The following LRP1B variants were observed in gnomAD, a reference collection of about 807,000 sequenced individuals.
LRP1B encodes the protein low-density lipoprotein receptor-related protein 1B.
Under a neutral mutation model 556.6 loss-of-function variants are expected in LRP1B, and 217 were observed. That is an observed-to-expected ratio of 0.39 (90% CI 0.35 to 0.44). LRP1B has a LOEUF of 0.44. Ranked by LOEUF, LRP1B falls within the 20% of genes least tolerant of loss-of-function variation. LRP1B has a pLI of 1.00. For missense variants in LRP1B, 5,053 were observed against 5,620.8 expected (o/e 0.90, Z 3.23); for synonymous variants, 2,047 against 1,865.8 (o/e 1.10, Z -2.50).
intron 3 of LRP1B, among the ~76,000 whole-genome samples, chr2:141,346,066 A>G (rs2105527406): frequency 6.6e-6 from 1 of 152,164 alleles, no homozygotes. Flanking sequence ...ATAGTAATAT[A>G]TAGTCTCTCT....
intron 1 of LRP1B, among the ~76,000 whole-genome samples, chr2:142,032,629 C>T (rs1356560565): frequency 6.6e-6 from 1 of 151,756 alleles, no homozygotes; most frequent in Admixed American, 6.6e-5. Context: ...CTCTCTCTGT[C>T]TCTCATTTGT....
At chr2:140,672,482 T>TAAAAAAAAAAAAAA (rs55884730) in intron 41 of LRP1B, among the ~76,000 whole-genome samples, 4 of 81,580 alleles carry the variant, frequency 4.9e-5, no homozygotes, top group African/African-American at 1.6e-4. Flanking sequence ...AGACTCCATC[T>TAAAAAAAAAAAAAA]AAAAAAAAAA....
intron 7 of LRP1B, among the ~76,000 whole-genome samples, chr2:141,160,986 A>T (rs987131782): frequency 2.6e-5 from 4 of 152,100 alleles, no homozygotes; most frequent in Non-Finnish European, 5.9e-5. Flanking sequence ...GGCTTTGTAA[A>T]ATGTTATCAT....
chr2:140,914,488 C>T (rs1427629358), intron 21 of LRP1B, among the ~76,000 whole-genome samples: 7 of 151,938 alleles, frequency 4.6e-5, no homozygotes, highest in Admixed American at 1.3e-4. Context: ...AGCAATGCAT[C>T]GGGAAAAAAT....
Position 140,598,665 on chromosome 2 carries a change from A to G in LRP1B, c.7160T>C (p.Ile2387Thr). 1 of 1,613,596 alleles carries G rather than the reference A, an allele frequency of 6.2e-7. No individual in the cohort carries two copies. The highest frequency in any genetic ancestry group is 8.5e-7 in the Non-Finnish European group (1 of 1,179,754). Residue 2387 changes from isoleucine to threonine, a missense_variant, in exon 43 of 91, where the codon ATT (isoleucine) becomes ACT (threonine). Coordinates refer to ENST00000389484, the MANE Select transcript of LRP1B (RefSeq NM_018557.3). ...LYFSDGSLGKIERCEYDGSQR... is the reference protein window; with the variant it reads ...LYFSDGSLGKTERCEYDGSQR... ...GGATCCATCGTATTCACACCTTTCA[A>G]TTTTTCCTAGACTGCCATCTGAGAA... is the stretch of plus-strand genomic sequence containing the variant.
At chr2:141,015,501 G>T (rs186423245) in intron 13 of LRP1B, among the ~76,000 whole-genome samples, 195 bp downstream of exon 13, 1 of 152,174 alleles carries the variant, frequency 6.6e-6, no homozygotes, top group Non-Finnish European at 1.5e-5. Flanking sequence ...ACCACAGTGA[G>T]CTGGGCCTGG....
chr2:141,863,196 C>T lies in LRP1B; in HGVS notation c.83-52795G>A, dbSNP rs557921316. ...TAGCACCAAACACAGTGCTTCCCAT[C>T]GGTTAGGCACTCCACTGTGTTCATT... On this transcript the variant is annotated intron_variant, in intron 1 of 90. Transcript: ENST00000389484. Among the ~76,000 whole-genome samples the T allele has an allele frequency of 3.3e-5, 5 of 152,150 alleles. No homozygotes were observed. The South Asian group carries it at 6.2e-4, about 19-fold the overall frequency.
chr2:141,425,254 A>G (rs1435923267), intron 3 of LRP1B, among the ~76,000 whole-genome samples: 1 of 151,588 alleles, frequency 6.6e-6, no homozygotes, highest in Admixed American at 6.6e-5. Flanking sequence ...TGAAGTCATC[A>G]TTTTTTATGG....
chr2:141,392,716 A>G (rs4346320), intron 3 of LRP1B, among the ~76,000 whole-genome samples: 148,088 of 152,240 alleles, frequency 0.97, 72,056 homozygotes, highest in East Asian at 1. Context: ...TAATGTCAAC[A>G]TAAGAAGACT....
rs972683778 is a variant in LRP1B, at chr2:140,490,819, T to C, written c.9120+1789A>G. Among the ~76,000 whole-genome samples, 8 of 152,200 alleles carry C rather than the reference T, an allele frequency of 5.3e-5. No homozygotes were observed. The East Asian group carries it at 1.2e-3, about 22-fold the overall frequency. On this transcript the variant is annotated intron_variant, in intron 57 of 90. Coordinates refer to ENST00000389484, the MANE Select transcript of LRP1B (RefSeq NM_018557.3). ...TATTTCCTTACTCAATGGGCACCAT[T>C]ATCAATTGCTTTCCAAAGACATAGG...
intron 7 of LRP1B, among the ~76,000 whole-genome samples, chr2:141,068,227 A>C (rs1163843877): frequency 6.6e-6 from 1 of 151,986 alleles, no homozygotes; most frequent in East Asian, 1.9e-4. Flanking sequence ...ATAGTCTCAC[A>C]CCAAGGGAAT....
At chr2:141,400,138 A>G (rs1690397087) in intron 3 of LRP1B, among the ~76,000 whole-genome samples, 1 of 151,900 alleles carries the variant, frequency 6.6e-6, no homozygotes, top group Non-Finnish European at 1.5e-5. Flanking sequence ...ATGCCACCAC[A>G]ACTGGCTAGT....
At chr2:140,262,323 C>T (rs1312151943) in intron 86 of LRP1B, among the ~76,000 whole-genome samples, 4 of 152,108 alleles carry the variant, frequency 2.6e-5, no homozygotes, top group Non-Finnish European at 5.9e-5. Context: ...AGACCTAGTG[C>T]CACAAAGCAC....
intron 2 of LRP1B, among the ~76,000 whole-genome samples, chr2:141,683,611 C>T (rs1172030846): frequency 1.3e-5 from 2 of 151,990 alleles, no homozygotes; most frequent in East Asian, 1.9e-4. Context: ...AAAGGTGGGC[C>T]TGGCTTCCTC....
intron 29 of LRP1B, among the ~76,000 whole-genome samples, chr2:140,847,531 G>A (rs1400096588): frequency 1.3e-5 from 2 of 152,112 alleles, no homozygotes; most frequent in African/African-American, 4.8e-5. Context: ...CACTTTGGGA[G>A]ACAGAGGTGG....
intron 2 of LRP1B, among the ~76,000 whole-genome samples, chr2:141,566,646 C>T (rs1039350181): frequency 1.3e-5 from 2 of 152,160 alleles, no homozygotes; most frequent in African/African-American, 4.8e-5. Flanking sequence ...ATTTTCTCAT[C>T]TAAGAAATGG....
At chr2:141,488,338 GAAAATT>G (rs1166408934) in intron 2 of LRP1B, among the ~76,000 whole-genome samples, 3 of 152,110 alleles carry the variant, frequency 2.0e-5, no homozygotes, top group Non-Finnish European at 4.4e-5. Flanking sequence ...GTGAAATTCA[GAAAATT>G]AAAATTATGC....
At chr2:141,320,975 TTATAAGA>T (rs900502951) in intron 3 of LRP1B, among the ~76,000 whole-genome samples, 2 of 152,072 alleles carry the variant, frequency 1.3e-5, no homozygotes, top group African/African-American at 4.8e-5. Context: ...TTCTAAAGGG[TTATAAGA>T]TATAACAAAA....
chr2:141,125,856 A>AAAAAC (rs1701192070), intron 7 of LRP1B, among the ~76,000 whole-genome samples: 1 of 137,128 alleles, frequency 7.3e-6, no homozygotes, highest in African/African-American at 3.1e-5. Context: ...AAAAAAAAAA[A>AAAAAC]AAAAACAAAA....
Sources: allele counts gnomAD v4.1 joint callset (sites outside exome capture counted in the v4.1 genomes callset), GRCh38; gene constraint gnomAD v4.1.1; transcripts MANE v1.5; gene names NCBI Gene and HGNC (gene_info 2026-07-23, HGNC 2026-07-21).